ZRANB3: variants seen among roughly 807,000 people sequenced by gnomAD.
ZRANB3 encodes the protein zinc finger RANBP2-type containing 3.
A neutral mutation model predicts 133.8 loss-of-function variants in ZRANB3; 125 were observed. That is an observed-to-expected ratio of 0.93 (90% CI 0.81 to 1.08). The LOEUF (loss-of-function observed/expected upper bound fraction) is 1.08, where lower values mean the gene tolerates loss of function less well. Ranked by LOEUF, ZRANB3 falls within the 50% of genes least tolerant of loss-of-function variation. ZRANB3 has a pLI of 0.00. For missense variants in ZRANB3, 1,229 were observed against 1,275.5 expected (o/e 0.96, Z 0.56); for synonymous variants, 387 against 432.7 (o/e 0.89, Z 1.31).
chr2:135,527,599 G>A (rs918005256), intron 1 of ZRANB3, among the ~76,000 whole-genome samples: 3 of 151,988 alleles, frequency 2.0e-5, no homozygotes, highest in Non-Finnish European at 2.9e-5. Context: ...TGTGTTATGC[G>A]TTTTTAACAC....
chr2:135,262,069 A>T lies in ZRANB3; in HGVS notation c.1539+3465T>A, dbSNP rs1241118471. Among the ~76,000 whole-genome samples the T allele has an allele frequency of 2.0e-5, 3 of 147,200 alleles. No individual in the cohort carries two copies. In the East Asian group the frequency reaches 6.4e-4, roughly 31 times the overall value. Reference sequence around the variant, plus strand: ...CAGCTACTTGGGAGGCTGAGGCAGGAGCATTGCTTGAACCTAGGAGGTGGA... The same window carrying T: ...CAGCTACTTGGGAGGCTGAGGCAGGTGCATTGCTTGAACCTAGGAGGTGGA... On this transcript the variant is annotated intron_variant, in intron 12 of 20. Coordinates refer to ENST00000264159, the MANE Select transcript of ZRANB3 (RefSeq NM_032143.4).
At chr2:135,403,004 C>G (rs1326559474) in intron 2 of ZRANB3, among the ~76,000 whole-genome samples, 19 of 152,126 alleles carry the variant, frequency 1.2e-4, no homozygotes, top group Admixed American at 1.2e-3. Context: ...GGAACCGCTC[C>G]AATCTACAGC....
chr2:135,400,228 A>C (rs111271983), intron 2 of ZRANB3, among the ~76,000 whole-genome samples: 152 of 152,258 alleles, frequency 1.0e-3, no homozygotes, highest in African/African-American at 3.5e-3. Flanking sequence ...CAACAGAGCA[A>C]GACTTCATCT....
At chr2:135,286,426 C>T (rs1246765747) in intron 8 of ZRANB3, among the ~76,000 whole-genome samples, 1 of 152,178 alleles carries the variant, frequency 6.6e-6, no homozygotes, top group Admixed American at 6.5e-5. Context: ...TACAGGCACA[C>T]ACCACTACAC....
chr2:135,449,796 C>T (rs193214762), intron 2 of ZRANB3, among the ~76,000 whole-genome samples: 30 of 152,242 alleles, frequency 2.0e-4, no homozygotes, highest in Admixed American at 2.0e-3. Flanking sequence ...CTCTCTCTAT[C>T]ATCCAGGCTA....
At chr2:135,374,464 G>C (rs1686328159) in intron 3 of ZRANB3, among the ~76,000 whole-genome samples, 2 of 150,768 alleles carry the variant, frequency 1.3e-5, no homozygotes, top group Admixed American at 1.3e-4. Flanking sequence ...AGAATGAAAA[G>C]ACAAGCCACA....
chr2:135,433,581 G>C (rs1689407567), intron 2 of ZRANB3, among the ~76,000 whole-genome samples: 1 of 152,204 alleles, frequency 6.6e-6, no homozygotes, highest in Non-Finnish European at 1.5e-5. Context: ...GCTGGGCGCA[G>C]TGGCTCACAC....
At chr2:135,326,097 C>T (rs1033806730) in intron 6 of ZRANB3, among the ~76,000 whole-genome samples, 2 of 152,084 alleles carry the variant, frequency 1.3e-5, no homozygotes, top group Non-Finnish European at 2.9e-5. Context: ...CTGATCTATA[C>T]AAACTACAGG....
At chr2:135,230,180 A>G (rs1313101804) in intron 13 of ZRANB3, among the ~76,000 whole-genome samples, 2 of 152,222 alleles carry the variant, frequency 1.3e-5, no homozygotes, top group African/African-American at 4.8e-5. Context: ...AAGGTCTATG[A>G]GTATAAGGCA....
rs192502029 is a variant in ZRANB3, at chr2:135,523,269, C to G, written c.-8+7858G>C. Among the ~76,000 whole-genome samples, 4 of 152,284 alleles carry G rather than the reference C, an allele frequency of 2.6e-5. No individual in the cohort carries two copies. The East Asian group carries it at 7.7e-4, about 29-fold the overall frequency. ...ATGTATCTCAAGTCTATCCTTTTCC[C>G]CCCCAAGTTCCACTGCTATCACCAA... On this transcript the variant is annotated intron_variant, in intron 1 of 20. Transcript: ENST00000264159.
intron 12 of ZRANB3, among the ~76,000 whole-genome samples, chr2:135,237,172 CAA>C (rs1695326910): frequency 6.6e-6 from 1 of 151,878 alleles, no homozygotes. Context: ...TTTATGCAGC[CAA>C]AAGACACATG....
chr2:135,522,093 G>T (rs2104843764), intron 1 of ZRANB3, among the ~76,000 whole-genome samples: 1 of 152,270 alleles, frequency 6.6e-6, no homozygotes, highest in African/African-American at 2.4e-5. Flanking sequence ...AAACAACTTG[G>T]ATTCTCCTGA....
At chr2:135,521,796 CCTTA>C (rs1311108453) in intron 1 of ZRANB3, among the ~76,000 whole-genome samples, 3 of 152,204 alleles carry the variant, frequency 2.0e-5, no homozygotes, top group African/African-American at 7.2e-5. Context: ...GTATGGTACA[CCTTA>C]CTTAAATACC....
chr2:135,434,940 C>G (rs1025472318), intron 2 of ZRANB3, among the ~76,000 whole-genome samples: 2 of 151,776 alleles, frequency 1.3e-5, no homozygotes, highest in African/African-American at 4.8e-5. Context: ...GAAAAGAAAA[C>G]AGAAAATAAT....
chr2:135,278,983 A>G (rs1040091212), intron 8 of ZRANB3, among the ~76,000 whole-genome samples: 1 of 152,148 alleles, frequency 6.6e-6, no homozygotes, highest in African/African-American at 2.4e-5. Context: ...AATCTTCCGT[A>G]TTAAGAAGCC....
intron 2 of ZRANB3, among the ~76,000 whole-genome samples, chr2:135,498,058 TAATA>T (rs1553505016): frequency 2.7e-5 from 4 of 147,126 alleles, no homozygotes; most frequent in African/African-American, 1.0e-4. Context: ...CTCTAAAAAA[TAATA>T]AATAATAAAT....
At chr2:135,382,318 C>A (rs527395404) in intron 3 of ZRANB3, among the ~76,000 whole-genome samples, 2 of 152,080 alleles carry the variant, frequency 1.3e-5, no homozygotes, top group African/African-American at 4.8e-5. Context: ...AAACGAACAA[C>A]GCCTCCAAGA....
chr2:135,482,803 T>C (rs1691889727), intron 2 of ZRANB3, among the ~76,000 whole-genome samples: 1 of 152,226 alleles, frequency 6.6e-6, no homozygotes, highest in African/African-American at 2.4e-5. Flanking sequence ...CAGTACCTAA[T>C]TTATTGAGAG....
Position 135,271,779 on chromosome 2 carries a change from C to A in ZRANB3, c.1195G>T (p.Ala399Ser). ...DTRVAILSIQ[A>S]AGQGLTFTAA... ...TTGAAATTTCTTACCTGGCCAGCAG[C>A]CTGAATGCTTAGGATAGCCACGCGA... is the stretch of plus-strand genomic sequence containing the variant. The change falls in exon 10 of 21, where the codon GCT (alanine) becomes TCT (serine). Residue 399 changes from alanine (A) to serine (S), a missense_variant. Ala to Ser is a moderately conservative substitution (Grantham distance 99, BLOSUM62 1). Transcript: ENST00000264159. The A allele has an allele frequency of 6.2e-7, 1 of 1,611,594 alleles. No individual in the cohort carries two copies. The highest frequency in any genetic ancestry group is 8.5e-7 in the Non-Finnish European group (1 of 1,179,240).
Sources: gnomAD v4.1 joint callset for allele counts (sites outside exome capture counted in the v4.1 genomes callset) on GRCh38, gnomAD v4.1.1 for gene constraint, MANE v1.5 for transcripts, NCBI Gene and HGNC (gene_info 2026-07-23, HGNC 2026-07-21) for gene names.